Variants in CNTNAP5 observed in about 807,000 individuals in gnomAD.
CNTNAP5 encodes contactin-associated protein-like 5.
Under a neutral mutation model 150.2 loss-of-function variants are expected in CNTNAP5, and 72 were observed. The ratio of observed to expected loss-of-function variants is 0.48; its 90% confidence interval spans 0.40 to 0.58. The LOEUF (loss-of-function observed/expected upper bound fraction) is 0.58, where lower values mean the gene tolerates loss of function less well. CNTNAP5 is among the 20% of genes least tolerant of loss of function. The probability of loss-of-function intolerance (pLI) is 0.00; values close to 1 mark genes in which losing one functional copy is unlikely to be tolerated. For synonymous variants in CNTNAP5, 672 were observed against 619.8 expected (o/e 1.08, Z -1.25); for missense variants, 1,636 against 1,626.2 (o/e 1.01, Z -0.10).
At chr2:124,650,212 A>G (rs1466852761) in intron 13 of CNTNAP5, among the ~76,000 whole-genome samples, 1 of 152,176 alleles carries the variant, frequency 6.6e-6, no homozygotes, top group African/African-American at 2.4e-5. Context: ...CTCAGTGTCT[A>G]CTTTCTTCTT....
chr2:124,293,698 A>G (rs1266382264), intron 3 of CNTNAP5, among the ~76,000 whole-genome samples: 1 of 152,120 alleles, frequency 6.6e-6, no homozygotes, highest in Non-Finnish European at 1.5e-5. Context: ...GAAAGAAAAG[A>G]TCTTGTTCTT....
At chr2:124,600,396 A>G (rs1205079699) in intron 11 of CNTNAP5, among the ~76,000 whole-genome samples, 2 of 152,236 alleles carry the variant, frequency 1.3e-5, no homozygotes, top group East Asian at 1.9e-4. Context: ...AGTAACATGT[A>G]TCAGTAGATG....
intron 17 of CNTNAP5, 56 bp downstream of exon 17, chr2:124,773,073 C>T: frequency 7.3e-7 from 1 of 1,375,012 alleles, no homozygotes; most frequent in South Asian, 1.2e-5. Context: ...CACTGTGTGA[C>T]CATGCCCAAG....
chr2:124,808,723 A>G (rs1013047975), intron 19 of CNTNAP5, among the ~76,000 whole-genome samples: 1 of 152,198 alleles, frequency 6.6e-6, no homozygotes, highest in Admixed American at 6.5e-5. Flanking sequence ...ATTGGAGAGC[A>G]GATAAAGGAG....
intron 10 of CNTNAP5, among the ~76,000 whole-genome samples, chr2:124,531,840 A>G (rs528405981): frequency 6.6e-6 from 1 of 152,170 alleles, no homozygotes; most frequent in Admixed American, 6.5e-5. Flanking sequence ...TGCAAAATTA[A>G]TATAAGTAGA....
At chr2:124,906,292 G>A (rs778011529) in intron 22 of CNTNAP5, among the ~76,000 whole-genome samples, 2 of 152,072 alleles carry the variant, frequency 1.3e-5, no homozygotes, top group Non-Finnish European at 2.9e-5. Flanking sequence ...TATATATTTT[G>A]TTCAGATTTT....
At chr2:124,221,633 A>G in intron 1 of CNTNAP5, 72 bp from the exon 2 acceptor site, 3 of 1,007,998 alleles carry the variant, frequency 3.0e-6, no homozygotes, top group Admixed American at 2.0e-5. Context: ...TAATTTCTCA[A>G]CTTCTCTTCT....
At chr2:124,306,719 CTTTT>C (rs762901729) in intron 3 of CNTNAP5, among the ~76,000 whole-genome samples, 13 of 64,336 alleles carry the variant, frequency 2.0e-4, no homozygotes, top group African/African-American at 3.1e-4. Flanking sequence ...CTCTCTCTTT[CTTTT>C]TTTTTTTTTT....
intron 1 of CNTNAP5, among the ~76,000 whole-genome samples, chr2:124,142,127 C>A (rs1183881334): frequency 7.2e-6 from 1 of 138,706 alleles, no homozygotes; most frequent in African/African-American, 2.8e-5. Context: ...CAGGAGCACC[C>A]AGATTCATAA....
intron 13 of CNTNAP5, among the ~76,000 whole-genome samples, chr2:124,716,521 T>C (rs1030368027): frequency 3.3e-5 from 5 of 151,712 alleles, no homozygotes; most frequent in Non-Finnish European, 7.4e-5. Context: ...AAATTCTAAA[T>C]ATCTTTAATA....
chr2:124,184,162 A>T (rs1685274195), intron 1 of CNTNAP5, among the ~76,000 whole-genome samples: 1 of 152,194 alleles, frequency 6.6e-6, no homozygotes, highest in Admixed American at 6.5e-5. Flanking sequence ...AGATGGGCAG[A>T]GGAAGTGTCT....
At chr2:124,221,889 A>G in intron 2 of CNTNAP5, 80 bp downstream of exon 2, 1 of 866,288 alleles carries the variant, frequency 1.2e-6, no homozygotes, top group Non-Finnish European at 1.9e-6. Flanking sequence ...GAGCACTCTC[A>G]GACACTGAAA....
At chr2:124,560,609 C>A (rs1415933926) in intron 10 of CNTNAP5, among the ~76,000 whole-genome samples, 1 of 138,828 alleles carries the variant, frequency 7.2e-6, no homozygotes, top group Non-Finnish European at 1.5e-5. Context: ...AGTTAAAATT[C>A]TGTTAGTTGA....
At position 124,506,348 on chromosome 2, in the gene CNTNAP5, A is replaced by G. The variant is rs115406860; in HGVS notation, c.1327+1792A>G. On this transcript the variant is annotated intron_variant, in intron 8 of 23. Coordinates refer to ENST00000682447, the MANE Select transcript of CNTNAP5 (RefSeq NM_001367498.1). ...GGCAGGTAGTCAGGAAAAAAAAATG[A>G]CTTTAAACAATTGCCTGGAGCATGG... 7.9e-3 allele frequency among the ~76,000 whole-genome samples: 1,197 copies of G among 152,252 alleles called. 19 individuals are homozygous for G. Among genetic ancestry groups the G allele is most frequent in the African/African-American group, 0.027 (1,115 of 41,552 alleles).
chr2:124,046,909 G>C (rs774436000), intron 1 of CNTNAP5, among the ~76,000 whole-genome samples: 2 of 152,072 alleles, frequency 1.3e-5, no homozygotes, highest in Non-Finnish European at 2.9e-5. Context: ...TTTTTTTCTT[G>C]AGTGAAAACA....
At chr2:124,155,365 T>G (rs1441488194) in intron 1 of CNTNAP5, among the ~76,000 whole-genome samples, 3 of 152,142 alleles carry the variant, frequency 2.0e-5, no homozygotes, top group Non-Finnish European at 4.4e-5. Flanking sequence ...ACTTTTCTCC[T>G]GTGGAATTCT....
chr2:124,755,155 A>G (rs1398227651), intron 14 of CNTNAP5, among the ~76,000 whole-genome samples: 1 of 152,060 alleles, frequency 6.6e-6, no homozygotes, highest in Admixed American at 6.6e-5. Context: ...ACAGCCTATC[A>G]TCCATGAGTT....
At chr2:124,747,438 G>A (rs560808000) in intron 14 of CNTNAP5, 53 bp downstream of exon 14, 11 of 1,593,356 alleles carry the variant, frequency 6.9e-6, no homozygotes, top group African/African-American at 1.3e-5. Flanking sequence ...ATTAATTGAT[G>A]CATAAAATTC....
intron 12 of CNTNAP5, among the ~76,000 whole-genome samples, chr2:124,611,185 A>G (rs926542134): frequency 2.0e-5 from 3 of 152,200 alleles, no homozygotes; most frequent in African/African-American, 4.8e-5. Context: ...TTCTGTAGGC[A>G]GACACTGTTT....
Sources: allele counts gnomAD v4.1 joint callset (sites outside exome capture counted in the v4.1 genomes callset), GRCh38; gene constraint gnomAD v4.1.1; transcripts MANE v1.5; gene names NCBI Gene and HGNC (gene_info 2026-07-23, HGNC 2026-07-21).